The following CDK12 variants were observed in gnomAD, a reference collection of about 807,000 sequenced individuals.
CDK12 encodes cyclin-dependent kinase 12.
CDK12 carries 17 observed loss-of-function variants against 133.8 expected under a neutral mutation model. That is an observed-to-expected ratio of 0.13 (90% CI 0.09 to 0.19). The LOEUF is 0.19. CDK12 is among the 10% of genes least tolerant of loss of function. CDK12 has a pLI of 1.00. For synonymous variants in CDK12, 694 were observed against 683.6 expected (o/e 1.02, Z -0.24); for missense variants, 1,508 against 1,818.7 (o/e 0.83, Z 3.11).
chr17:39,532,140 C>CTCTCTCTCTCTCTCTCTCTG lies in CDK12; in HGVS notation c.*827_*828insCTCTCTCTCTCTCTCTGTCT, dbSNP rs1184631339. 5.4e-3 allele frequency: 1,204 copies of CTCTCTCTCTCTCTCTCTCTG among 224,012 alleles called. No homozygotes were observed. Among genetic ancestry groups the CTCTCTCTCTCTCTCTCTCTG allele is most frequent in the African/African-American group, 8.0e-3 (326 of 40,816 alleles). 13.9% of individuals were successfully genotyped at this position (224,012 alleles called of 1,614,324 possible). ...TCTCTCTCTCTCTCTCTCTCTCTCT[C>CTCTCTCTCTCTCTCTCTCTG]TCTGTCTCGCTTGCTCGCTCTCGCT... On this transcript the variant is annotated 3_prime_UTR_variant, in exon 14 of 14. Transcript: ENST00000447079.
Position 39,509,686 on chromosome 17 carries a change from A to ATT in CDK12, c.2610-18_2610-17dup. Reference sequence around the variant, plus strand: ...GCCACTGCTATGGCTTATGAAAATAATTGTTTTTTGTTTTACAGTGGGCAA... The same window carrying ATT: ...GCCACTGCTATGGCTTATGAAAATAATTTTGTTTTTTGTTTTACAGTGGGCAA... On this transcript the variant is annotated intron_variant, in intron 6 of 13. Transcript: ENST00000447079. 6.2e-7 allele frequency: 1 copy of ATT among 1,603,572 alleles called. No homozygotes were observed. The highest frequency in any genetic ancestry group is 8.5e-7 in the Non-Finnish European group (1 of 1,170,360).
chr17:39,469,636 C>CT (rs1232951407), intron 1 of CDK12, among the ~76,000 whole-genome samples: 7,522 of 132,760 alleles, frequency 0.057, 233 homozygotes, highest in Middle Eastern at 0.12. Flanking sequence ...AGTATGACTT[C>CT]TTTTTTTTTT....
chr17:39,493,556 C>T (rs1267425156), intron 4 of CDK12, among the ~76,000 whole-genome samples: 1 of 151,880 alleles, frequency 6.6e-6, no homozygotes. Context: ...GAACTCCTAA[C>T]CTGAAATAGC....
At chr17:39,561,941 TA>T (rs1304635442) in intron 3 of CDK12, among the ~76,000 whole-genome samples, 1 of 152,162 alleles carries the variant, frequency 6.6e-6, no homozygotes, top group African/African-American at 2.4e-5. Context: ...AAGGATTATT[TA>T]TTTTTTTATT....
intron 2 of CDK12, among the ~76,000 whole-genome samples, chr17:39,483,852 T>C (rs2050916305): frequency 1.3e-5 from 2 of 151,806 alleles, no homozygotes; most frequent in South Asian, 2.1e-4. Context: ...TTTTTCTTTT[T>C]TTTTTGTTTG....
At chr17:39,502,414 A>G (rs2052788001) in intron 6 of CDK12, among the ~76,000 whole-genome samples, 1 of 152,146 alleles carries the variant, frequency 6.6e-6, no homozygotes, top group East Asian at 1.9e-4. Flanking sequence ...CGGCCTCCCA[A>G]AGTGCTGGGA....
chr17:39,465,790 C>G (rs1301788261), intron 1 of CDK12, among the ~76,000 whole-genome samples: 1 of 152,048 alleles, frequency 6.6e-6, no homozygotes, highest in African/African-American at 2.4e-5. Flanking sequence ...TGCGCACAGC[C>G]ATGCTGCTTA....
Position 39,481,721 on chromosome 17 carries a change from CTTTTTTCTTT to C in CDK12, c.1932-8829_1932-8820del, listed in dbSNP as rs1199989207. ...CTCTCTCTCTCTCTCTTTCTCTTTTCTTTTTTCTTTTTTTTTTTTGACAAAGTCTCATCCT... is the reference window on the plus strand; with the variant it reads ...CTCTCTCTCTCTCTCTTTCTCTTTTCTTTTTTTTTGACAAAGTCTCATCCT... On this transcript the variant is annotated intron_variant, in intron 2 of 13. Transcript: ENST00000447079. Among the ~76,000 whole-genome samples, 6 of 21,080 alleles carry C rather than the reference CTTTTTTCTTT, an allele frequency of 2.8e-4. 1 individual carries two copies. The highest frequency in any genetic ancestry group is 6.4e-4 in the Non-Finnish European group (6 of 9,346). The allele number at this position is 21,080 out of a possible 152,430, so 13.8% of individuals were successfully genotyped here.
rs1292408461 is a variant in CDK12, at chr17:39,533,717, C to G, written c.*2401C>G. The G allele has an allele frequency of 4.3e-6, 1 of 232,676 alleles. No individual in the cohort carries two copies. Among genetic ancestry groups the G allele is most frequent in the Non-Finnish European group, 8.5e-6 (1 of 117,816 alleles). 14.4% of individuals were successfully genotyped at this position (232,676 alleles called of 1,614,324 possible). ...AGTGTATGTGTATGTATGATCCCAT[C>G]TCACCCCCACCCCCATTTTGGGAGT... On this transcript the variant is annotated 3_prime_UTR_variant, in exon 14 of 14. Transcript: ENST00000447079.
At chr17:39,467,220 G>C (rs2049405385) in intron 1 of CDK12, among the ~76,000 whole-genome samples, 2 of 151,792 alleles carry the variant, frequency 1.3e-5, no homozygotes, top group Non-Finnish European at 2.9e-5. Flanking sequence ...CTCAGGATCT[G>C]CCTGCCTCAG....
At chr17:39,495,600 G>T (rs1423156085) in intron 5 of CDK12, among the ~76,000 whole-genome samples, 1 of 151,392 alleles carries the variant, frequency 6.6e-6, no homozygotes, top group Non-Finnish European at 1.5e-5. Context: ...GACCATCCTG[G>T]CTAACACGGC....
downstream of CDK12, among the ~76,000 whole-genome samples, chr17:39,538,075 T>C (rs530676998): frequency 4.6e-5 from 7 of 152,286 alleles, no homozygotes; most frequent in African/African-American, 1.2e-4. Flanking sequence ...TAGGATACTA[T>C]GAAGACATTT....
chr17:39,495,006 C>G (rs549305014), intron 5 of CDK12, among the ~76,000 whole-genome samples: 1 of 151,930 alleles, frequency 6.6e-6, no homozygotes, highest in African/African-American at 2.4e-5. Flanking sequence ...CTCCTGACCT[C>G]GTGATCCGCC....
rs970856165 is a variant in CDK12, at chr17:39,461,775, C to T, written c.-297C>T. ...TCCTGGACCTCCCCGGCGCCCGGGC[C>T]TGAGGACTGGCTCGGCGGAGGGAGA... On this transcript the variant is annotated 5_prime_UTR_variant, in exon 1 of 14. Transcript: ENST00000447079. 9 of 442,484 alleles carry T rather than the reference C, an allele frequency of 2.0e-5. No homozygotes were observed. Among genetic ancestry groups the T allele is most frequent in the Admixed American group, 3.8e-5 (1 of 26,014 alleles). The allele number at this position is 442,484 out of a possible 1,614,324, so 27.4% of individuals were successfully genotyped here. A position where few individuals can be genotyped will look rare whatever the true frequency, so the allele number is the denominator to read the frequency against.
At chr17:39,510,301 A>G (rs2146341547) in intron 7 of CDK12, among the ~76,000 whole-genome samples, 1 of 151,698 alleles carries the variant, frequency 6.6e-6, no homozygotes, top group South Asian at 2.1e-4. Flanking sequence ...TTGTATTTTT[A>G]GTAGAGGCGG....
intron 5 of CDK12, among the ~76,000 whole-genome samples, chr17:39,497,205 T>C (rs2052198102): frequency 1.3e-5 from 2 of 152,126 alleles, no homozygotes; most frequent in South Asian, 4.1e-4. Context: ...GTGCTGGAAT[T>C]ACAAGTGTGA....
Position 39,513,456 on chromosome 17 carries a change from C to T in CDK12, c.2768+1826C>T, listed in dbSNP as rs541044641. Among the ~76,000 whole-genome samples, 319 of 152,292 alleles carry T rather than the reference C, an allele frequency of 2.1e-3. 3 individuals are homozygous for T. The highest frequency in any genetic ancestry group is 7.5e-3 in the African/African-American group (311 of 41,564). On this transcript the variant is annotated intron_variant, in intron 8 of 13. Coordinates refer to ENST00000447079, the MANE Select transcript of CDK12 (RefSeq NM_016507.4). ...TAAAGCTTTAGTTAAATTTTACTGA[C>T]TCAAGCTGGGTGTGTTTTTGTTCTG...
At chr17:39,489,001 A>G (rs1224795262) in intron 2 of CDK12, among the ~76,000 whole-genome samples, 1 of 150,712 alleles carries the variant, frequency 6.6e-6, no homozygotes, top group Admixed American at 6.6e-5. Flanking sequence ...GCTCACTGCA[A>G]CCTCCTCCTC....
At position 39,531,483 on chromosome 17, in the gene CDK12, C is replaced by G. The variant is rs114862872; in HGVS notation, c.*167C>G. The stretch of plus-strand genomic sequence containing the variant: ...TCACTTGCTACTAGCAGGCGACTTA[C>G]GAAATAATGATGTTGGCACCAGTTC... On this transcript the variant is annotated 3_prime_UTR_variant, in exon 14 of 14. Coordinates refer to ENST00000447079, the MANE Select transcript of CDK12 (RefSeq NM_016507.4). The G allele has an allele frequency of 2.1e-3, 1,160 of 560,334 alleles. 16 individuals are homozygous for G. Among genetic ancestry groups the G allele is most frequent in the African/African-American group, 0.02 (1,038 of 51,368 alleles). 34.7% of individuals were successfully genotyped at this position (560,334 alleles called of 1,614,324 possible). A position where few individuals can be genotyped will look rare whatever the true frequency, so the allele number is the denominator to read the frequency against.
Sources: gnomAD v4.1 joint callset for allele counts (sites outside exome capture counted in the v4.1 genomes callset) on GRCh38, gnomAD v4.1.1 for gene constraint, MANE v1.5 for transcripts, NCBI Gene and HGNC (gene_info 2026-07-23, HGNC 2026-07-21) for gene names.